The following FCHSD2 variants were observed in gnomAD, a reference collection of about 807,000 sequenced individuals.
The protein encoded by FCHSD2 is F-BAR and double SH3 domains protein 2.
FCHSD2 carries 38 observed loss-of-function variants against 108.1 expected under a neutral mutation model. The ratio of observed to expected loss-of-function variants is 0.35; its 90% CI spans 0.27 to 0.46. The LOEUF (loss-of-function observed/expected upper bound fraction) is 0.46. Ranked by LOEUF, FCHSD2 falls within the 20% of genes least tolerant of loss-of-function variation. FCHSD2 has a pLI of 1.00. For missense variants in FCHSD2, 751 were observed against 897.8 expected (o/e 0.84, Z 2.09); for synonymous variants, 279 against 314.7 (o/e 0.89, Z 1.20).
intron 8 of FCHSD2, among the ~76,000 whole-genome samples, chr11:72,943,501 C>T (rs556139353): frequency 1.3e-5 from 2 of 152,192 alleles, no homozygotes; most frequent in East Asian, 3.9e-4. Flanking sequence ...TAAATGTGAA[C>T]TTCATATTAC....
chr11:73,129,630 G>C (rs772034208), intron 2 of FCHSD2, among the ~76,000 whole-genome samples: 2 of 152,116 alleles, frequency 1.3e-5, no homozygotes, highest in Non-Finnish European at 2.9e-5. Context: ...ACAGTATACT[G>C]GGTTGCATAA....
intron 3 of FCHSD2, among the ~76,000 whole-genome samples, chr11:73,075,386 A>G (rs1859525842): frequency 6.6e-6 from 1 of 152,228 alleles, no homozygotes; most frequent in Admixed American, 6.5e-5. Context: ...ATAATGATTG[A>G]TTATAGCCAC....
At chr11:72,914,934 G>A (rs1365940479) in intron 9 of FCHSD2, among the ~76,000 whole-genome samples, 1 of 143,616 alleles carries the variant, frequency 7.0e-6, no homozygotes, top group Admixed American at 6.9e-5. Flanking sequence ...AACTATCAAC[G>A]GAATAAAAAG....
chr11:72,981,100 G>C (rs1238970088), intron 8 of FCHSD2, among the ~76,000 whole-genome samples: 1 of 152,148 alleles, frequency 6.6e-6, no homozygotes, highest in Non-Finnish European at 1.5e-5. Flanking sequence ...GAGTTTTCCT[G>C]TACTGCAGAC....
chr11:72,985,135 AG>A lies in FCHSD2; in HGVS notation c.522-20del, dbSNP rs1466639817. On this transcript the variant is annotated intron_variant, in intron 6 of 19. Coordinates refer to ENST00000409418, the MANE Select transcript of FCHSD2 (RefSeq NM_014824.3). ...TTTAGATCTATAATAAAAATAGAAA[AG>A]TATGTTTAATAAAATCATCTAATTA... 2.5e-6 allele frequency: 2 copies of A among 800,594 alleles called. No individual in the cohort carries two copies. The highest frequency in any genetic ancestry group is 4.0e-6 in the Non-Finnish European group (2 of 505,036). The allele number at this position is 800,594 out of a possible 1,614,324, so 49.6% of individuals were successfully genotyped here.
At chr11:72,929,785 C>G (rs144959029) in intron 8 of FCHSD2, among the ~76,000 whole-genome samples, 278 of 152,320 alleles carry the variant, frequency 1.8e-3, no homozygotes, top group African/African-American at 6.5e-3. Context: ...CTCCCCATCA[C>G]AGTATTTAAA....
rs479093 is a variant in FCHSD2 at position 72,974,529 on chromosome 11, C to T, written c.705+9559G>A. ...TAAGCTTTAGAGCACTGCTGTTCAA[C>T]AGAGTTTTCTAAGATGGCAAAAATG... is the stretch of plus-strand genomic sequence containing the variant. On this transcript the variant is annotated intron_variant, in intron 8 of 19. Coordinates refer to ENST00000409418, the MANE Select transcript of FCHSD2 (RefSeq NM_014824.3). Among the ~76,000 whole-genome samples, 542 of 152,278 alleles carry T rather than the reference C, an allele frequency of 3.6e-3. 1 individual carries two copies. Among genetic ancestry groups the T allele is most frequent in the African/African-American group, 0.013 (520 of 41,548 alleles).
intron 2 of FCHSD2, among the ~76,000 whole-genome samples, chr11:73,090,709 CCT>C (rs1427772231): frequency 6.6e-6 from 1 of 152,120 alleles, no homozygotes; most frequent in Non-Finnish European, 1.5e-5. Flanking sequence ...TTACTACATT[CCT>C]GTTTGTACTA....
intron 11 of FCHSD2, among the ~76,000 whole-genome samples, chr11:72,888,253 T>G: frequency 6.6e-6 from 1 of 152,194 alleles, no homozygotes; most frequent in East Asian, 1.9e-4. Flanking sequence ...CGTGGATGAC[T>G]AGAGAAGATA....
intron 3 of FCHSD2, among the ~76,000 whole-genome samples, chr11:73,078,767 G>A (rs1859614043): frequency 6.6e-6 from 1 of 152,258 alleles, no homozygotes; most frequent in Middle Eastern, 3.4e-3. Context: ...CACCAAGTCT[G>A]AAGCACAGTG....
In FCHSD2 at chr11:72,936,919, T is replaced by C. The variant is rs532252822; in HGVS notation, c.706-14969A>G. 3.9e-5 allele frequency among the ~76,000 whole-genome samples: 6 copies of C among 152,344 alleles called. No individual in the cohort carries two copies. The South Asian group carries it at 1.2e-3, about 32-fold the overall frequency. On this transcript the variant is annotated intron_variant, in intron 8 of 19. Coordinates refer to ENST00000409418, the MANE Select transcript of FCHSD2 (RefSeq NM_014824.3). ...AAATCTTTGTCTAGTAAGTCCAATG[T>C]ATGGACTTCCTTGGAGACAGTTTCT...
At chr11:72,851,125 G>C (rs887198480) in intron 13 of FCHSD2, among the ~76,000 whole-genome samples, 11 of 70,840 alleles carry the variant, frequency 1.6e-4, no homozygotes, top group African/African-American at 5.1e-4. Flanking sequence ...AAAAAAAAAA[G>C]GTTGCTAAGT....
intron 3 of FCHSD2, among the ~76,000 whole-genome samples, chr11:73,083,293 G>A (rs533367930): frequency 2.4e-4 from 36 of 152,296 alleles, no homozygotes; most frequent in African/African-American, 8.2e-4. Context: ...GCTCATGCCT[G>A]TAATCCCAAC....
intron 8 of FCHSD2, among the ~76,000 whole-genome samples, chr11:72,922,585 G>A (rs540382645): frequency 1.3e-5 from 2 of 152,152 alleles, no homozygotes; most frequent in South Asian, 4.1e-4. Flanking sequence ...GAATGATTAA[G>A]CTATGATGTG....
intron 12 of FCHSD2, among the ~76,000 whole-genome samples, chr11:72,873,724 C>T (rs1854910852): frequency 6.6e-6 from 1 of 151,948 alleles, no homozygotes; most frequent in Non-Finnish European, 1.5e-5. Context: ...TTTAGGTATT[C>T]ATTTTGAGTT....
chr11:72,970,106 G>C (rs1466075247), intron 8 of FCHSD2, among the ~76,000 whole-genome samples: 1 of 152,140 alleles, frequency 6.6e-6, no homozygotes, highest in Non-Finnish European at 1.5e-5. Flanking sequence ...GTTTGAAAAA[G>C]AAAACTAGAG....
intron 8 of FCHSD2, among the ~76,000 whole-genome samples, chr11:72,929,029 A>T (rs1856136378): frequency 6.6e-6 from 1 of 152,146 alleles, no homozygotes; most frequent in Admixed American, 6.5e-5. Flanking sequence ...AGCTTCATCC[A>T]TGTCCCTACA....
At chr11:72,939,035 C>G (rs964745444) in intron 8 of FCHSD2, among the ~76,000 whole-genome samples, 1 of 152,060 alleles carries the variant, frequency 6.6e-6, no homozygotes, top group African/African-American at 2.4e-5. Flanking sequence ...AATTTTAATA[C>G]AGTAGCCAAA....
At chr11:72,893,860 T>A (rs1382356494) in intron 10 of FCHSD2, among the ~76,000 whole-genome samples, 1 of 152,192 alleles carries the variant, frequency 6.6e-6, no homozygotes, top group East Asian at 1.9e-4. Flanking sequence ...AAATCAGCAT[T>A]CCAATATTCT....
Sources: allele counts gnomAD v4.1 joint callset (sites outside exome capture counted in the v4.1 genomes callset), GRCh38; gene constraint gnomAD v4.1.1; transcripts MANE v1.5; gene names NCBI Gene and HGNC (gene_info 2026-07-23, HGNC 2026-07-21).